The following PTPRM variants were observed in gnomAD, a reference collection of about 807,000 sequenced individuals.
The protein encoded by PTPRM is receptor-type tyrosine-protein phosphatase mu.
A neutral mutation model predicts 186.7 loss-of-function variants in PTPRM; 47 were observed. The ratio of observed to expected loss-of-function variants is 0.25; its 90% CI spans 0.20 to 0.32. The LOEUF is 0.32. Among genes scored for constraint, PTPRM ranks in the 10% least tolerant of loss-of-function variants. The pLI is 1.00. For missense variants in PTPRM, 1,494 were observed against 1,865.0 expected, an observed-to-expected ratio of 0.80 and a Z score of 3.66; for synonymous variants, 668 against 674.9, an observed-to-expected ratio of 0.99 and a Z score of 0.16.
At chr18:8,178,940 T>G (rs1368442250) in intron 14 of PTPRM, among the ~76,000 whole-genome samples, 1 of 152,154 alleles carries the variant, frequency 6.6e-6, no homozygotes, top group East Asian at 1.9e-4. Context: ...CCTCACCTCT[T>G]AAGGTCCCAA....
chr18:8,353,556 G>A (rs1340239371), intron 23 of PTPRM, among the ~76,000 whole-genome samples: 4 of 152,046 alleles, frequency 2.6e-5, no homozygotes, highest in Non-Finnish European at 1.5e-5. Context: ...TAAGGAAGGA[G>A]GAGAACTTGA....
chr18:7,711,138 A>G (rs2040203561), intron 1 of PTPRM, among the ~76,000 whole-genome samples: 1 of 152,116 alleles, frequency 6.6e-6, no homozygotes, highest in South Asian at 2.1e-4. Context: ...TACCCGGCTC[A>G]TCTCATTGGG....
At chr18:7,718,338 CT>C (rs1432762743) in intron 1 of PTPRM, among the ~76,000 whole-genome samples, 6 of 152,110 alleles carry the variant, frequency 3.9e-5, no homozygotes, top group Non-Finnish European at 8.8e-5. Context: ...ATAAATGGTG[CT>C]GGGATAACTG....
chr18:7,944,323 C>T (rs912978180), intron 5 of PTPRM, among the ~76,000 whole-genome samples: 10 of 152,198 alleles, frequency 6.6e-5, no homozygotes, highest in Non-Finnish European at 5.9e-5. Flanking sequence ...CTTTAGGTTC[C>T]GTCCCTTTGT....
chr18:8,022,864 A>T (rs942334213), intron 7 of PTPRM, among the ~76,000 whole-genome samples: 1 of 152,194 alleles, frequency 6.6e-6, no homozygotes. Flanking sequence ...CAGATTTTAA[A>T]ATGTTTGGCA....
rs879710754 is a variant in PTPRM at position 8,240,828 on chromosome 18, A to AGAGAGAGAGAGAGAGAGAGAGAG, written c.2301-3230_2301-3229insGAGAGAGAGAGAGAGAGAGAGAG. On this transcript the variant is annotated intron_variant, in intron 14 of 32. Transcript: ENST00000580170. Reference sequence around the variant, plus strand: ...AGAGAGAGAGAGAGAGAGAGAGAGAAAGAAAGAAAGAAAGAAAAGAAAGAA... The same window carrying AGAGAGAGAGAGAGAGAGAGAGAG: ...AGAGAGAGAGAGAGAGAGAGAGAGAAGAGAGAGAGAGAGAGAGAGAGAGAGAAAGAAAGAAAGAAAAGAAAGAA... Among the ~76,000 whole-genome samples, 2 of 31,322 alleles carry AGAGAGAGAGAGAGAGAGAGAGAG rather than the reference A, an allele frequency of 6.4e-5. 1 individual carries two copies. Among genetic ancestry groups the AGAGAGAGAGAGAGAGAGAGAGAG allele is most frequent in the Non-Finnish European group, 1.2e-4 (2 of 16,606 alleles). The allele number at this position is 31,322 out of a possible 152,430, so 20.5% of individuals were successfully genotyped here. A position where few individuals can be genotyped will look rare whatever the true frequency, so the allele number is the denominator to read the frequency against.
chr18:8,184,731 A>G (rs925580734), intron 14 of PTPRM, among the ~76,000 whole-genome samples: 1 of 152,210 alleles, frequency 6.6e-6, no homozygotes. Context: ...GATTTGCCCT[A>G]TGTATTTAGG....
At chr18:7,772,821 G>T (rs192607532) in intron 1 of PTPRM, among the ~76,000 whole-genome samples, 4 of 152,120 alleles carry the variant, frequency 2.6e-5, no homozygotes, top group Admixed American at 2.6e-4. Context: ...TTAAATTCAT[G>T]TTTTCTTGAA....
intron 2 of PTPRM, among the ~76,000 whole-genome samples, chr18:7,859,439 A>G (rs1391345684): frequency 2.0e-5 from 3 of 152,182 alleles, no homozygotes; most frequent in African/African-American, 7.2e-5. Context: ...AGCCAGGCCC[A>G]TTATTACTCC....
At chr18:8,106,410 C>A (rs189857284) in intron 11 of PTPRM, among the ~76,000 whole-genome samples, 1 of 152,116 alleles carries the variant, frequency 6.6e-6, no homozygotes, top group East Asian at 1.9e-4. Context: ...AGGGTGAGAA[C>A]ATTTGGGCAC....
chr18:7,912,826 TG>T (rs2050348572), intron 4 of PTPRM, among the ~76,000 whole-genome samples: 1 of 152,128 alleles, frequency 6.6e-6, no homozygotes, highest in East Asian at 1.9e-4. Flanking sequence ...GCCAATCCCT[TG>T]TACTTTCAAA....
At chr18:8,222,790 T>C (rs1266278577) in intron 14 of PTPRM, among the ~76,000 whole-genome samples, 2 of 152,162 alleles carry the variant, frequency 1.3e-5, no homozygotes, top group Admixed American at 6.5e-5. Flanking sequence ...CCTTATTTGG[T>C]TTTCTAAGCA....
intron 1 of PTPRM, among the ~76,000 whole-genome samples, chr18:7,676,694 T>C (rs1016871744): frequency 7.8e-4 from 112 of 143,186 alleles, no homozygotes; most frequent in African/African-American, 2.8e-3. Context: ...TGTGTGCGCG[T>C]GCACGCGCAC....
intron 23 of PTPRM, among the ~76,000 whole-genome samples, chr18:8,344,448 G>GTGTGTATATATATATATATATATATA (rs1360655194): frequency 3.0e-4 from 10 of 33,428 alleles, no homozygotes; most frequent in African/African-American, 6.7e-4. Flanking sequence ...GTGTGTGTGT[G>GTGTGTATATATATATATATATATATA]TATATATATA....
chr18:7,706,628 A>AAAAAAAAAC (rs2040099461), intron 1 of PTPRM, among the ~76,000 whole-genome samples: 1 of 149,532 alleles, frequency 6.7e-6, no homozygotes, highest in Non-Finnish European at 1.5e-5. Flanking sequence ...AAAAAAAAAA[A>AAAAAAAAAC]AACAACAAAA....
In PTPRM at chr18:7,626,134, G is replaced by T. The variant is rs2038056377; in HGVS notation, c.73+58243G>T. 2.0e-5 allele frequency among the ~76,000 whole-genome samples: 3 copies of T among 152,242 alleles called. No individual in the cohort carries two copies. The South Asian group carries it at 6.2e-4, about 32-fold the overall frequency. ...CCTCTGATGACATTCACTGGGAAAA[G>T]GAAAGGCTCTGTAGCCCCGTCTTCA... is the stretch of plus-strand genomic sequence containing the variant. On this transcript the variant is annotated intron_variant, in intron 1 of 32. Coordinates refer to ENST00000580170, the MANE Select transcript of PTPRM (RefSeq NM_001105244.2).
At chr18:7,653,390 G>T (rs1422163759) in intron 1 of PTPRM, among the ~76,000 whole-genome samples, 2 of 152,026 alleles carry the variant, frequency 1.3e-5, no homozygotes, top group East Asian at 3.9e-4. Flanking sequence ...TGTCATGAAG[G>T]TTTGTTGTAC....
intron 7 of PTPRM, among the ~76,000 whole-genome samples, chr18:8,011,561 A>G (rs1356691630): frequency 1.3e-5 from 2 of 152,224 alleles, no homozygotes; most frequent in East Asian, 3.8e-4. Context: ...GCCCAAAGCA[A>G]ACTGTTGTAG....
chr18:7,904,988 T>C (rs1198660524), intron 3 of PTPRM, among the ~76,000 whole-genome samples: 1 of 152,062 alleles, frequency 6.6e-6, no homozygotes, highest in Non-Finnish European at 1.5e-5. Flanking sequence ...TCTTTCCTTT[T>C]TTTTATTTTT....
Sources: gnomAD v4.1 joint callset for allele counts (sites outside exome capture counted in the v4.1 genomes callset) on GRCh38, gnomAD v4.1.1 for gene constraint, MANE v1.5 for transcripts, NCBI Gene and HGNC (gene_info 2026-07-23, HGNC 2026-07-21) for gene names.